The following EFCAB6 variants were observed in gnomAD, a reference collection of about 807,000 sequenced individuals.
EFCAB6 encodes the protein EF-hand calcium-binding domain-containing protein 6.
EFCAB6 carries 156 observed loss-of-function variants against 169.8 expected under a neutral mutation model. That is an observed-to-expected ratio of 0.92 (90% CI 0.81 to 1.05). The LOEUF is 1.05. EFCAB6 is among the 50% of genes least tolerant of loss of function. EFCAB6 has a pLI of 0.00. For synonymous variants in EFCAB6, 698 were observed against 676.4 expected (o/e 1.03, Z -0.50); for missense variants, 1,800 against 1,829.1 (o/e 0.98, Z 0.29).
intron 24 of EFCAB6, among the ~76,000 whole-genome samples, chr22:43,587,266 C>G (rs958832499): frequency 2.6e-5 from 4 of 152,096 alleles, no homozygotes; most frequent in African/African-American, 9.7e-5. Context: ...GGGCATCTGT[C>G]CTAGTCCAAG....
rs1290760762 is a variant in EFCAB6, at chr22:43,628,966, A to C, written c.2233-2287T>G. ...CTGTGAGATGGGGCTGCTGGACATG[A>C]AGGAGCAGCATTTCCTAGGCACAAA... On this transcript the variant is annotated intron_variant, in intron 19 of 31. Coordinates refer to ENST00000262726, the MANE Select transcript of EFCAB6 (RefSeq NM_022785.4). This position sits in a 1 kb window ranked among gnomAD's most constrained non-coding sequence, Gnocchi z 4.8. Among the ~76,000 whole-genome samples, 1 of 152,202 alleles carries C rather than the reference A, an allele frequency of 6.6e-6. No homozygotes were observed. Among genetic ancestry groups the C allele is most frequent in the Non-Finnish European group, 1.5e-5 (1 of 68,040 alleles).
chr22:43,735,774 A>C, intron 7 of EFCAB6, 83 bp downstream of exon 7: 1 of 1,502,410 alleles, frequency 6.7e-7, no homozygotes, highest in Non-Finnish European at 9.0e-7. Context: ...AGATGGATGG[A>C]GCCAATGAAC....
intron 5 of EFCAB6, among the ~76,000 whole-genome samples, chr22:43,763,047 A>AT (rs1051337165): frequency 2.0e-5 from 3 of 151,164 alleles, no homozygotes; most frequent in Admixed American, 6.6e-5. Context: ...GCACTCATTC[A>AT]TTTTTTTTTA....
rs780260458 is a variant in EFCAB6 at position 43,554,904 on chromosome 22, A to G, written c.3613T>C (p.Cys1205Arg). 2 of 1,614,198 alleles carry G rather than the reference A, an allele frequency of 1.2e-6. No homozygotes were observed. Among genetic ancestry groups the G allele is most frequent in the South Asian group, 2.2e-5 (2 of 91,082 alleles). ...TISREEFRAI[C>R]NRRVQILTDE... ...GTCAGGATTTGGACGCGGCGATTAC[A>G]AATGGCCCTAAACTCCTCTCTGGAG... The change falls in exon 27 of 32, where the codon TGT (cysteine) becomes CGT (arginine). Residue 1205 changes from cysteine to arginine, a missense_variant. Cys to Arg is a radical substitution (Grantham distance 180, BLOSUM62 -3). Transcript: ENST00000262726.
chr22:43,609,898 G>A (rs984852408), intron 21 of EFCAB6, among the ~76,000 whole-genome samples: 3 of 152,162 alleles, frequency 2.0e-5, no homozygotes, highest in Non-Finnish European at 2.9e-5. Context: ...TAATACCCAC[G>A]GGCTGTGATG....
chr22:43,642,559 C>T (rs1382345029), intron 17 of EFCAB6, among the ~76,000 whole-genome samples: 4 of 152,170 alleles, frequency 2.6e-5, no homozygotes, highest in Admixed American at 6.5e-5. Flanking sequence ...GAGTTCCAGT[C>T]ATCAAGGTTA....
intron 23 of EFCAB6, among the ~76,000 whole-genome samples, chr22:43,597,313 C>A (rs891029758): frequency 6.6e-6 from 1 of 152,184 alleles, no homozygotes; most frequent in African/African-American, 2.4e-5. Flanking sequence ...AGACAGCCTA[C>A]TGAGTGGGAG....
At chr22:43,763,937 G>GTC (rs1027169611) in intron 5 of EFCAB6, among the ~76,000 whole-genome samples, 2 of 151,410 alleles carry the variant, frequency 1.3e-5, no homozygotes, top group Non-Finnish European at 2.9e-5. Context: ...TAATTTTTAA[G>GTC]TTTTTTGTAG....
At chr22:43,690,314 A>G (rs933969985) in intron 10 of EFCAB6, among the ~76,000 whole-genome samples, 14 of 136,094 alleles carry the variant, frequency 1.0e-4, no homozygotes, top group Non-Finnish European at 1.7e-4. Flanking sequence ...CCTGGCTAAT[A>G]GGGTGAAACC....
At chr22:43,629,865 G>A (rs896129200) in intron 19 of EFCAB6, among the ~76,000 whole-genome samples, 1 of 152,172 alleles carries the variant, frequency 6.6e-6, no homozygotes, top group African/African-American at 2.4e-5. Flanking sequence ...GGGCACTCCG[G>A]TCAGAGATGC....
chr22:43,535,604 A>C (rs1391574433), intron 29 of EFCAB6: 1 of 152,246 alleles, frequency 6.6e-6, no homozygotes, highest in African/African-American at 2.4e-5. Flanking sequence ...GCCAGTTGTA[A>C]AGACAACACT....
At chr22:43,787,880 G>C (rs2062138561) in intron 2 of EFCAB6, among the ~76,000 whole-genome samples, 1 of 152,206 alleles carries the variant, frequency 6.6e-6, no homozygotes, top group African/African-American at 2.4e-5. Context: ...GATCAAGACA[G>C]TGTGGTTCTG....
chr22:43,642,912 A>C (rs1429106396), intron 17 of EFCAB6, among the ~76,000 whole-genome samples: 6 of 152,226 alleles, frequency 3.9e-5, no homozygotes, highest in African/African-American at 1.4e-4. Context: ...GAACACCATG[A>C]ATGGTCACAG....
At chr22:43,626,246 C>A in intron 20 of EFCAB6, among the ~76,000 whole-genome samples, 1 of 152,164 alleles carries the variant, frequency 6.6e-6, no homozygotes, top group East Asian at 1.9e-4. Flanking sequence ...ATGATGCTCA[C>A]AGGTGGTAAG....
chr22:43,574,435 T>C (rs1351235766), intron 26 of EFCAB6, among the ~76,000 whole-genome samples: 1 of 152,128 alleles, frequency 6.6e-6, no homozygotes, highest in African/African-American at 2.4e-5. Context: ...GGAGCCTGTC[T>C]ACTCCGCCTT....
At chr22:43,651,486 A>G (rs2056464441) in intron 17 of EFCAB6, among the ~76,000 whole-genome samples, 1 of 152,252 alleles carries the variant, frequency 6.6e-6, no homozygotes, top group Non-Finnish European at 1.5e-5. Flanking sequence ...GGGCTCTCAT[A>G]GACAACCTCT....
intron 25 of EFCAB6, 78 bp downstream of exon 25, chr22:43,580,386 G>C (rs2050640955): frequency 5.4e-6 from 8 of 1,475,858 alleles, no homozygotes; most frequent in Non-Finnish European, 7.4e-6. Flanking sequence ...AGGTGGGAGG[G>C]GTTTCAGGGT....
intron 10 of EFCAB6, among the ~76,000 whole-genome samples, chr22:43,697,761 C>T (rs547104754): frequency 3.3e-5 from 5 of 152,198 alleles, no homozygotes; most frequent in African/African-American, 1.2e-4. Context: ...AGTATCATTC[C>T]CAGTCCCTCT....
At chr22:43,737,230 G>A (rs1244094601) in intron 6 of EFCAB6, among the ~76,000 whole-genome samples, 2 of 151,978 alleles carry the variant, frequency 1.3e-5, no homozygotes, top group South Asian at 2.1e-4. Flanking sequence ...CGGGTGCTGC[G>A]TGGTAATCCC....
Sources: allele counts gnomAD v4.1 joint callset (sites outside exome capture counted in the v4.1 genomes callset), GRCh38; gene constraint gnomAD v4.1.1; non-coding constraint Gnocchi (gnomAD v3.1); transcripts MANE v1.5; gene names NCBI Gene and HGNC (gene_info 2026-07-23, HGNC 2026-07-21).